DEDD2: variants seen among roughly 807,000 people sequenced by gnomAD.
The protein encoded by DEDD2 is death effector domain containing 2.
DEDD2 carries 18 observed loss-of-function variants against 28.9 expected under a neutral mutation model. That is an observed-to-expected ratio of 0.62 (90% CI 0.43 to 0.92). DEDD2 has a LOEUF of 0.92. Among genes scored for constraint, DEDD2 ranks in the 40% least tolerant of loss-of-function variants. The probability of loss-of-function intolerance (pLI) is 0.00; values close to 1 mark genes in which losing one functional copy is unlikely to be tolerated. For missense variants in DEDD2, 411 were observed against 463.3 expected (o/e 0.89, Z 1.04); for synonymous variants, 211 against 206.1 (o/e 1.02, Z -0.20).
chr19:42,214,933 A>T (rs1481634522), intron 3 of DEDD2, among the ~76,000 whole-genome samples, 200 bp downstream of exon 3: 1 of 152,146 alleles, frequency 6.6e-6, no homozygotes, highest in Non-Finnish European at 1.5e-5. Flanking sequence ...AATGCCATTT[A>T]AACGAAACAC....
chr19:42,219,421 C>T (rs2036089887), upstream of DEDD2, among the ~76,000 whole-genome samples: 1 of 151,252 alleles, frequency 6.6e-6, no homozygotes, highest in African/African-American at 2.4e-5. Context: ...ACCAATATGG[C>T]AAAACCCCGT....
chr19:42,215,402 C>G, intron 2 of DEDD2, 150 bp from the exon 3 acceptor site: 1 of 923,832 alleles, frequency 1.1e-6, no homozygotes, highest in Non-Finnish European at 1.6e-6. Flanking sequence ...GCAGAGGTTG[C>G]TCAGATGCCT....
chr19:42,210,834 C>T (rs1390924942), intron 3 of DEDD2, among the ~76,000 whole-genome samples: 3 of 151,418 alleles, frequency 2.0e-5, no homozygotes, highest in Non-Finnish European at 1.5e-5. Context: ...TTTGGAAGGC[C>T]GAGGTGGGTG....
At chr19:42,211,803 C>T (rs894630255) in intron 3 of DEDD2, 1 of 151,908 alleles carries the variant, frequency 6.6e-6, no homozygotes, top group Non-Finnish European at 1.5e-5. Flanking sequence ...TCTGGGAGGC[C>T]GAGGCGGGCG....
intron 2 of DEDD2, 72 bp downstream of exon 2, chr19:42,216,608 G>C: frequency 4.9e-6 from 7 of 1,438,962 alleles, no homozygotes; most frequent in Non-Finnish European, 6.4e-6. Context: ...CCGTATCAGG[G>C]CACCAGGGAG....
chr19:42,203,766 G>A (rs1039656495), intron 4 of DEDD2, among the ~76,000 whole-genome samples: 15 of 152,370 alleles, frequency 9.8e-5, no homozygotes, highest in Admixed American at 5.9e-4. Flanking sequence ...GGCAACTCCA[G>A]CTGTGCTGTG....
chr19:42,218,851 G>A (rs1483201292), upstream of DEDD2, among the ~76,000 whole-genome samples: 3 of 152,172 alleles, frequency 2.0e-5, no homozygotes, highest in African/African-American at 7.2e-5. Flanking sequence ...TGGCCAACAT[G>A]ATGAAACCCT....
chr19:42,216,359 T>G (rs1318379700), intron 2 of DEDD2, among the ~76,000 whole-genome samples: 1 of 152,210 alleles, frequency 6.6e-6, no homozygotes, highest in Non-Finnish European at 1.5e-5. Flanking sequence ...TTGGTTACAG[T>G]GAAGACAGTA....
chr19:42,199,883 T>C lies in DEDD2; in HGVS notation c.590-54A>G, dbSNP rs2035261876. On this transcript the variant is annotated intron_variant, in intron 4 of 4. Coordinates refer to ENST00000596251, the MANE Select transcript of DEDD2 (RefSeq NM_133328.4). This position sits in a 1 kb window ranked among gnomAD's most constrained non-coding sequence, Gnocchi z 7.4. ...AGGGGGCCAACACTAGACACACTTA[T>C]GGGGAACGCCACCCTTCCTCCCTCC... is the stretch of plus-strand genomic sequence containing the variant. 3.5e-5 allele frequency: 53 copies of C among 1,510,712 alleles called. No homozygotes were observed. The highest frequency in any genetic ancestry group is 3.8e-5 in the Non-Finnish European group (43 of 1,124,844). 93.6% of individuals were successfully genotyped at this position (1,510,712 alleles called of 1,614,324 possible).
chr19:42,212,349 G>T (rs2035803862), intron 3 of DEDD2, among the ~76,000 whole-genome samples: 1 of 152,056 alleles, frequency 6.6e-6, no homozygotes, highest in South Asian at 2.1e-4. Flanking sequence ...CTGGGTGACA[G>T]AGTGAGACTC....
chr19:42,208,547 G>A (rs1018247814), intron 4 of DEDD2, among the ~76,000 whole-genome samples: 5 of 152,202 alleles, frequency 3.3e-5, no homozygotes, highest in Non-Finnish European at 5.9e-5. Context: ...CCCTGAAGAG[G>A]AATCACATCA....
Position 42,215,242 on chromosome 19 carries a change from T to A in DEDD2, c.339A>T (p.Glu113Asp). 6.2e-7 allele frequency: 1 copy of A among 1,614,088 alleles called. No homozygotes were observed. Among genetic ancestry groups the A allele is most frequent in the Non-Finnish European group, 8.5e-7 (1 of 1,179,974 alleles). ...AGCTGGAGGTGCCATAGCTATAGCG[T>A]TCTGGAGACACTGGAGGAAGAGAAG... ...ARKRRRPVSP[E>D]RYSYGTSSSS... is the part of the protein sequence containing the mutation. The change falls in exon 3 of 5, where the codon GAA becomes GAT. Residue 113 changes from glutamate (E) to aspartate (D), a missense_variant. Glu to Asp is a conservative substitution (Grantham distance 45). This residue lies in a region of DEDD2 where 282 missense variants were observed against 273.4 expected (regional missense o/e 1.03). Transcript: ENST00000596251.
At chr19:42,211,267 C>G (rs757203308) in intron 3 of DEDD2, among the ~76,000 whole-genome samples, 2 of 151,874 alleles carry the variant, frequency 1.3e-5, no homozygotes, top group African/African-American at 2.4e-5. Flanking sequence ...TGCCTGTAGT[C>G]CCAGCTACTT....
chr19:42,211,569 C>A (rs1436310285), intron 3 of DEDD2, among the ~76,000 whole-genome samples: 1 of 152,140 alleles, frequency 6.6e-6, no homozygotes, highest in East Asian at 1.9e-4. Context: ...TGTAAAATCT[C>A]AATGGGATAT....
intron 1 of DEDD2, among the ~76,000 whole-genome samples, chr19:42,217,273 G>C (rs1050535196): frequency 2.0e-5 from 3 of 152,036 alleles, no homozygotes; most frequent in African/African-American, 7.2e-5. Context: ...ACCGTGCTAC[G>C]TTCGGAGCTC....
chr19:42,215,039 T>C (rs938012804), intron 3 of DEDD2, 94 bp downstream of exon 3: 2 of 1,492,666 alleles, frequency 1.3e-6, no homozygotes, highest in East Asian at 4.6e-5. Flanking sequence ...ACAGTGAAAA[T>C]GAGACAGAAT....
rs541606921 is a variant in DEDD2, at chr19:42,199,347, A to C, written c.*91T>G. 1.3e-5 allele frequency: 19 copies of C among 1,436,632 alleles called. 1 individual carries two copies. In the South Asian group the frequency reaches 2.8e-4, roughly 21 times the overall value. 89.0% of individuals were successfully genotyped at this position (1,436,632 alleles called of 1,614,324 possible). Reference sequence around the variant, plus strand: ...CTGTCGCAGTCCTCAAAGATGCTAGAGTGACAGTCCTCTAGGGGTAGAGAT... The same window carrying C: ...CTGTCGCAGTCCTCAAAGATGCTAGCGTGACAGTCCTCTAGGGGTAGAGAT... On this transcript the variant is annotated 3_prime_UTR_variant, in exon 5 of 5. Transcript: ENST00000596251. The surrounding 1 kb of genome is among the most constrained non-coding windows in gnomAD (Gnocchi z 7.4).
rs1201303285 is a variant in DEDD2, at chr19:42,202,362, AC to A, written c.590-2534del. Among the ~76,000 whole-genome samples, 4 of 152,224 alleles carry A rather than the reference AC, an allele frequency of 2.6e-5. No individual in the cohort carries two copies. The East Asian group carries it at 7.7e-4, about 29-fold the overall frequency. Reference sequence around the variant, plus strand: ...AATGTTCCCAACAAGAGCCTTACTTACAAAATGACCTGTCCACCTCCTCCAT... The same window carrying A: ...AATGTTCCCAACAAGAGCCTTACTTAAAAATGACCTGTCCACCTCCTCCAT... On this transcript the variant is annotated intron_variant, in intron 4 of 4. Transcript: ENST00000596251.
At position 42,215,020 on chromosome 19, in the gene DEDD2, C is replaced by T. The variant is rs558758388; in HGVS notation, c.448+113G>A. The T allele has an allele frequency of 3.5e-4, 509 of 1,442,112 alleles. 7 individuals are homozygous for T. The South Asian group carries it at 6.1e-3, about 17-fold the overall frequency. 89.3% of individuals were successfully genotyped at this position (1,442,112 alleles called of 1,614,324 possible). ...CAATAAACACACACACACACACACA[C>T]ACACACACACAGTGAAAATGAGACA... is the stretch of plus-strand genomic sequence containing the variant. On this transcript the variant is annotated intron_variant, in intron 3 of 4. Transcript: ENST00000596251.
Sources: allele counts gnomAD v4.1 joint callset (sites outside exome capture counted in the v4.1 genomes callset), GRCh38; gene constraint gnomAD v4.1.1; regional missense constraint gnomAD v4.1.1; non-coding constraint Gnocchi (gnomAD v3.1); transcripts MANE v1.5; gene names NCBI Gene and HGNC (gene_info 2026-07-23, HGNC 2026-07-21).